Variants in RHOT1 observed in about 807,000 individuals in gnomAD.
RHOT1 encodes ras homolog family member T1, also known as mitochondrial Rho GTPase 1.
In RHOT1, 27 loss-of-function variants were observed where a neutral mutation model predicts 95.3. The observed-to-expected ratio is 0.28, with a 90% confidence interval of 0.21 to 0.39. The LOEUF (loss-of-function observed/expected upper bound fraction) is 0.39. Ranked by LOEUF, RHOT1 falls within the 10% of genes least tolerant of loss-of-function variation. RHOT1 has a pLI of 1.00. For missense variants in RHOT1, 578 were observed against 786.7 expected, an observed-to-expected ratio of 0.73 and a Z score of 3.17; for synonymous variants, 227 against 263.5, an observed-to-expected ratio of 0.86 and a Z score of 1.34.
At chr17:32,167,151 G>T (rs1021227502) in intron 1 of RHOT1, among the ~76,000 whole-genome samples, 2 of 152,198 alleles carry the variant, frequency 1.3e-5, no homozygotes, top group Admixed American at 1.3e-4. Flanking sequence ...GAGCTCTTGG[G>T]TGACCAGGTG....
At chr17:32,189,615 C>A (rs2036319027) in intron 8 of RHOT1, among the ~76,000 whole-genome samples, 1 of 152,146 alleles carries the variant, frequency 6.6e-6, no homozygotes, top group Admixed American at 6.6e-5. Flanking sequence ...TTAGGTGGAC[C>A]TGAGTGAGAG....
At chr17:32,170,023 A>T (rs1359110890) in intron 1 of RHOT1, among the ~76,000 whole-genome samples, 1 of 152,122 alleles carries the variant, frequency 6.6e-6, no homozygotes, top group Non-Finnish European at 1.5e-5. Flanking sequence ...CAAAAAAAAA[A>T]AGTTAAAACT....
intron 16 of RHOT1, among the ~76,000 whole-genome samples, chr17:32,204,285 T>C (rs28447002): frequency 0.18 from 27,560 of 152,036 alleles, 2,591 homozygotes; most frequent in South Asian, 0.27. Flanking sequence ...GCGTGGTGGC[T>C]CACGCCTGTA....
At chr17:32,194,920 C>T (rs1220853522) in intron 11 of RHOT1, among the ~76,000 whole-genome samples, 2 of 151,092 alleles carry the variant, frequency 1.3e-5, no homozygotes, top group Non-Finnish European at 2.9e-5. Flanking sequence ...CCTCCCACCG[C>T]GTTTAAGCGA....
At chr17:32,171,528 C>A (rs34776635) in intron 2 of RHOT1, among the ~76,000 whole-genome samples, 10 of 152,156 alleles carry the variant, frequency 6.6e-5, no homozygotes, top group African/African-American at 2.2e-4. Context: ...CCTTTGTATT[C>A]TCTGTGTCTC....
At chr17:32,149,633 A>ATGTGTGTGTGTGTGTGTG (rs1233010217) in intron 1 of RHOT1, among the ~76,000 whole-genome samples, 26 of 81,278 alleles carry the variant, frequency 3.2e-4, no homozygotes, top group South Asian at 1.0e-3. Flanking sequence ...ATATATATAT[A>ATGTGTGTGTGTGTGTGTG]TATGTGTGTG....
chr17:32,190,844 G>A (rs961380824), intron 8 of RHOT1, among the ~76,000 whole-genome samples: 16 of 152,102 alleles, frequency 1.1e-4, no homozygotes, highest in African/African-American at 3.1e-4. Context: ...CTCCCAGACT[G>A]GAGTGCAGTG....
Position 32,183,256 on chromosome 17 carries a change from G to A in RHOT1, c.524G>A (p.Cys175Tyr), listed in dbSNP as rs751713500. 2 of 1,474,492 alleles carry A rather than the reference G, an allele frequency of 1.4e-6. No individual in the cohort carries two copies. Among genetic ancestry groups the A allele is most frequent in the Non-Finnish European group, 1.8e-6 (2 of 1,106,156 alleles). 91.3% of individuals were successfully genotyped at this position (1,474,492 alleles called of 1,614,324 possible). Reference sequence around the variant, plus strand: ...CTTCATCCTACAGGGCCCCTGTACTGCCCAGAGGAGAAGGAGGTAACAGGC... The same window carrying A: ...CTTCATCCTACAGGGCCCCTGTACTACCCAGAGGAGAAGGAGGTAACAGGC... ...AVLHPTGPLY[C>Y]PEEKEMKPAC... The change falls in exon 8 of 20, where the codon TGC (cysteine) becomes TAC (tyrosine). Residue 175 changes from cysteine (C) to tyrosine (Y), a missense_variant. Around this residue, in one of 4 missense-constraint regions of RHOT1, gnomAD observed 227 missense variants for 316.0 expected, o/e 0.72. Transcript: ENST00000545287.
In RHOT1 at chr17:32,211,247, C is replaced by CT; in HGVS notation, c.1862+12dup. 1 of 1,594,488 alleles carries CT rather than the reference C, an allele frequency of 6.3e-7. No individual in the cohort carries two copies. Among genetic ancestry groups the CT allele is most frequent in the South Asian group, 1.1e-5 (1 of 88,796 alleles). On this transcript the variant is annotated intron_variant, in intron 19 of 19. Coordinates refer to ENST00000545287, the MANE Select transcript of RHOT1 (RefSeq NM_001033566.3). ...ACTGCAGTTCTTAACAGGTTCTTAA[C>CT]TTTATTTACTGGGTACCAGGCATTC...
chr17:32,165,336 CAAAAAAAAAAAAAAA>C (rs773728913), intron 1 of RHOT1, among the ~76,000 whole-genome samples: 20 of 34,336 alleles, frequency 5.8e-4, no homozygotes, highest in African/African-American at 1.5e-3. Context: ...GACTCCGTCT[CAAAAAAAAAAAAAAA>C]AAAAAAAAAA....
intron 14 of RHOT1, among the ~76,000 whole-genome samples, chr17:32,202,320 A>C (rs2037386278): frequency 6.6e-6 from 1 of 152,152 alleles, no homozygotes; most frequent in Non-Finnish European, 1.5e-5. Flanking sequence ...GCTAACCCCA[A>C]AGTGTGTGTC....
At chr17:32,201,542 A>G (rs1484730543) in intron 14 of RHOT1, among the ~76,000 whole-genome samples, 1 of 152,218 alleles carries the variant, frequency 6.6e-6, no homozygotes, top group Non-Finnish European at 1.5e-5. Flanking sequence ...AAAATCTGCC[A>G]TATCTTATGG....
At chr17:32,149,635 A>ATATATATATATATATATATATGTG (rs1445281403) in intron 1 of RHOT1, among the ~76,000 whole-genome samples, 1 of 59,078 alleles carries the variant, frequency 1.7e-5, no homozygotes, top group Non-Finnish European at 3.4e-5. Flanking sequence ...ATATATATAT[A>ATATATATATATATATATATATGTG]TGTGTGTGTG....
At chr17:32,175,208 C>G (rs1462508148) in intron 3 of RHOT1, 111 bp from the exon 4 acceptor site, 1 of 904,990 alleles carries the variant, frequency 1.1e-6, no homozygotes. Flanking sequence ...GTGTTTGCTA[C>G]ACCATGTCAT....
chr17:32,182,142 A>G (rs1598380207), intron 6 of RHOT1, among the ~76,000 whole-genome samples: 1 of 152,168 alleles, frequency 6.6e-6, no homozygotes, highest in African/African-American at 2.4e-5. Context: ...CATAGTACTT[A>G]CTGAATTGGA....
intron 1 of RHOT1, among the ~76,000 whole-genome samples, chr17:32,148,281 AAAAG>A (rs1383448142): frequency 1.3e-5 from 2 of 152,216 alleles, no homozygotes; most frequent in African/African-American, 2.4e-5. Flanking sequence ...ACAAAAAAGA[AAAAG>A]AAAATTCCTT....
At chr17:32,182,712 A>T in intron 6 of RHOT1, 45 bp from the exon 7 acceptor site, 1 of 1,075,862 alleles carries the variant, frequency 9.3e-7, no homozygotes, top group Non-Finnish European at 1.4e-6. Flanking sequence ...ATATAAATTT[A>T]ATGTCTTTTG....
intron 8 of RHOT1, among the ~76,000 whole-genome samples, chr17:32,190,030 T>C (rs2036365449): frequency 6.6e-6 from 1 of 152,160 alleles, no homozygotes; most frequent in Non-Finnish European, 1.5e-5. Flanking sequence ...TTTTATAGCT[T>C]TATTAAGTAG....
chr17:32,175,163 G>A (rs564463165), intron 3 of RHOT1, among the ~76,000 whole-genome samples, 156 bp from the exon 4 acceptor site: 10 of 152,286 alleles, frequency 6.6e-5, no homozygotes, highest in South Asian at 2.1e-4. Flanking sequence ...CTGCCTTATC[G>A]TAGTTGAACC....
Sources: allele counts gnomAD v4.1 joint callset (sites outside exome capture counted in the v4.1 genomes callset), GRCh38; gene constraint gnomAD v4.1.1; regional missense constraint gnomAD v4.1.1; transcripts MANE v1.5; gene names NCBI Gene and HGNC (gene_info 2026-07-23, HGNC 2026-07-21).